SNTB1: variants seen among roughly 807,000 people sequenced by gnomAD.
The protein encoded by SNTB1 is syntrophin beta 1.
SNTB1 carries 36 observed loss-of-function variants against 48.9 expected under a neutral mutation model. That is an observed-to-expected ratio of 0.74 (90% CI 0.56 to 0.97). The LOEUF is 0.97. Among genes scored for constraint, SNTB1 ranks in the 50% least tolerant of loss-of-function variants. The probability of loss-of-function intolerance (pLI) is 0.00; values close to 1 mark genes in which losing one functional copy is unlikely to be tolerated. For missense variants in SNTB1, 786 were observed against 703.4 expected (o/e 1.12, Z -1.33); for synonymous variants, 299 against 294.6 (o/e 1.01, Z -0.15).
At chr8:120,742,888 T>C (rs1317145534) in intron 1 of SNTB1, among the ~76,000 whole-genome samples, 2 of 152,222 alleles carry the variant, frequency 1.3e-5, no homozygotes, top group Admixed American at 6.5e-5. Flanking sequence ...GGAGTGTTGG[T>C]GAGGAACAAG....
At chr8:120,543,243 T>C (rs1815322198) in intron 5 of SNTB1, among the ~76,000 whole-genome samples, 1 of 152,186 alleles carries the variant, frequency 6.6e-6, no homozygotes, top group Non-Finnish European at 1.5e-5. Context: ...AGGATCAGAT[T>C]GGATTTTTTT....
At chr8:120,747,938 T>A (rs555827846) in intron 1 of SNTB1, among the ~76,000 whole-genome samples, 9 of 152,350 alleles carry the variant, frequency 5.9e-5, no homozygotes, top group African/African-American at 2.2e-4. Context: ...TCTGGGTAGA[T>A]ATAAAATTAT....
At chr8:120,701,791 A>G (rs1329706129) in intron 1 of SNTB1, among the ~76,000 whole-genome samples, 2 of 152,232 alleles carry the variant, frequency 1.3e-5, no homozygotes, top group South Asian at 4.1e-4. Flanking sequence ...GATGGCCAAA[A>G]TGTTCTGAAG....
In SNTB1 at chr8:120,811,409, C is replaced by A. The variant is rs1180517693; in HGVS notation, c.435G>T (p.Gly145=). 2 of 1,613,902 alleles carry A rather than the reference C, an allele frequency of 1.2e-6. No individual in the cohort carries two copies. The highest frequency in any genetic ancestry group is 1.3e-5 in the African/African-American group (1 of 74,920). Residue 145 remains glycine (G), a synonymous_variant, in exon 1 of 7, where the codon GGG becomes GGT. Transcript: ENST00000517992. ...MPILISKIFK[G]LAADQTQALY... ...GGGCTTGGGTCTGGTCCGCCGCCAG[C>A]CCCTTGAAGATCTTGCTGATGAGGA...
chr8:120,777,481 A>G lies in SNTB1; in HGVS notation c.571+33792T>C, dbSNP rs1361340694. ...CTAGATTTTGGGTTTGAACATCTCA[A>G]AACGATAGGCCCCTTTCTCCCAATT... On this transcript the variant is annotated intron_variant, in intron 1 of 6. Transcript: ENST00000517992. Among the ~76,000 whole-genome samples the G allele has an allele frequency of 2.6e-5, 4 of 152,148 alleles. No individual in the cohort carries two copies. In the East Asian group the frequency reaches 5.8e-4, roughly 22 times the overall value.
intron 3 of SNTB1, among the ~76,000 whole-genome samples, chr8:120,593,530 C>T (rs1001586533): frequency 2.6e-5 from 4 of 151,822 alleles, no homozygotes; most frequent in African/African-American, 9.7e-5. Flanking sequence ...TGGTGATGGA[C>T]AAAAGGAAGG....
chr8:120,729,051 C>T (rs1818809676), intron 1 of SNTB1, among the ~76,000 whole-genome samples: 2 of 151,888 alleles, frequency 1.3e-5, no homozygotes. Context: ...GCTATCTTGC[C>T]TCACTGCAAC....
chr8:120,689,467 G>C (rs183788457), intron 2 of SNTB1, among the ~76,000 whole-genome samples: 1 of 152,288 alleles, frequency 6.6e-6, no homozygotes, highest in African/African-American at 2.4e-5. Context: ...TCTCAGCTAA[G>C]CATCACTGTC....
In SNTB1 at chr8:120,641,752, A is replaced by C. The variant is rs189025996; in HGVS notation, c.789-9101T>G. Reference sequence around the variant, plus strand: ...ACTGTCACTCAGATCAAGAAATAGAATATTACAGTCATCCCAGAAATTCCT... The same window carrying C: ...ACTGTCACTCAGATCAAGAAATAGACTATTACAGTCATCCCAGAAATTCCT... On this transcript the variant is annotated intron_variant, in intron 2 of 6. Transcript: ENST00000517992. Among the ~76,000 whole-genome samples, 10 of 152,356 alleles carry C rather than the reference A, an allele frequency of 6.6e-5. No homozygotes were observed. In the East Asian group the frequency reaches 1.7e-3, roughly 26 times the overall value.
chr8:120,708,558 A>T (rs1318301478), intron 1 of SNTB1, among the ~76,000 whole-genome samples: 1 of 152,136 alleles, frequency 6.6e-6, no homozygotes, highest in Non-Finnish European at 1.5e-5. Context: ...CCAAATGCCA[A>T]ACAAAATGTC....
intron 1 of SNTB1, among the ~76,000 whole-genome samples, chr8:120,736,534 T>C (rs576609666): frequency 2.6e-5 from 4 of 152,312 alleles, no homozygotes; most frequent in African/African-American, 7.2e-5. Flanking sequence ...AGACCAAAGC[T>C]TCAGGTGCTG....
chr8:120,614,782 A>G (rs1816685315), intron 3 of SNTB1, among the ~76,000 whole-genome samples: 1 of 151,942 alleles, frequency 6.6e-6, no homozygotes, highest in Non-Finnish European at 1.5e-5. Context: ...GAGAGATAAG[A>G]CAGTATGTTT....
At chr8:120,764,633 A>G (rs1317924511) in intron 1 of SNTB1, among the ~76,000 whole-genome samples, 1 of 152,166 alleles carries the variant, frequency 6.6e-6, no homozygotes, top group East Asian at 1.9e-4. Context: ...CAATTGCCCT[A>G]CTTTCTAAAT....
chr8:120,663,062 A>G (rs1051934898), intron 2 of SNTB1, among the ~76,000 whole-genome samples: 6 of 151,740 alleles, frequency 4.0e-5, no homozygotes, highest in Non-Finnish European at 5.9e-5. Flanking sequence ...ACAGAACCCA[A>G]TGACTGCCGT....
At position 120,541,501 on chromosome 8, in the gene SNTB1, T is replaced by C. The variant is rs529994515; in HGVS notation, c.1524+309A>G. On this transcript the variant is annotated intron_variant, in intron 6 of 6. Coordinates refer to ENST00000517992, the MANE Select transcript of SNTB1 (RefSeq NM_021021.4). ...TGCCAAGGTTATATGAGACGCTTGA[T>C]ACTTTTCAAAACTGCAGGGTACGTT... Among the ~76,000 whole-genome samples the C allele has an allele frequency of 4.6e-5, 7 of 152,342 alleles. No homozygotes were observed. In the South Asian group the frequency reaches 1.4e-3, roughly 32 times the overall value.
At chr8:120,614,976 T>TAAAAAAA (rs61318757) in intron 3 of SNTB1, among the ~76,000 whole-genome samples, 771 of 73,258 alleles carry the variant, frequency 0.011, 49 homozygotes, top group African/African-American at 0.048. Flanking sequence ...TCACCTCTAC[T>TAAAAAAA]AAAAAAAAAA....
chr8:120,633,495 C>T (rs7841516), intron 2 of SNTB1, among the ~76,000 whole-genome samples: 92,712 of 151,600 alleles, frequency 0.61, 29,463 homozygotes, highest in South Asian at 0.73. Context: ...GCCCCAGCTA[C>T]TTGGAAGGCT....
chr8:120,619,310 T>TAGAG (rs752369440), intron 3 of SNTB1, among the ~76,000 whole-genome samples: 24 of 146,866 alleles, frequency 1.6e-4, no homozygotes, highest in African/African-American at 4.2e-4. Context: ...TATATATATA[T>TAGAG]AGAGAGAGAG....
At chr8:120,776,014 G>C (rs1015599060) in intron 1 of SNTB1, among the ~76,000 whole-genome samples, 1 of 152,198 alleles carries the variant, frequency 6.6e-6, no homozygotes, top group Non-Finnish European at 1.5e-5. Flanking sequence ...TTCAACCATT[G>C]TGGAAGACAG....
Sources: allele counts gnomAD v4.1 joint callset (sites outside exome capture counted in the v4.1 genomes callset), GRCh38; gene constraint gnomAD v4.1.1; transcripts MANE v1.5; gene names NCBI Gene and HGNC (gene_info 2026-07-23, HGNC 2026-07-21).